Variants in NANOGNB observed in about 807,000 individuals in gnomAD.
NANOGNB encodes NANOG neighbor homeobox.
A neutral mutation model predicts 25.0 loss-of-function variants in NANOGNB; 30 were observed. The observed-to-expected ratio is 1.20, with a 90% CI of 0.90 to 1.63. NANOGNB has a LOEUF of 1.63. NANOGNB is among the 40% of genes most tolerant of loss of function. The pLI is 0.00. For synonymous variants in NANOGNB, 84 were observed against 62.1 expected (o/e 1.35, Z -1.66); for missense variants, 200 against 188.1 (o/e 1.06, Z -0.37).
intron 3 of NANOGNB, among the ~76,000 whole-genome samples, chr12:7,773,545 AC>A (rs1565472374): frequency 8.8e-5 from 11 of 124,578 alleles, no homozygotes; most frequent in South Asian, 2.7e-4. Flanking sequence ...TACTAAAAAT[AC>A]AAAAAAAAAA....
At chr12:7,766,009 G>A (rs1865241610) in intron 1 of NANOGNB, 3 of 396,832 alleles carry the variant, frequency 7.6e-6, no homozygotes. Context: ...AAAGCACAGG[G>A]ACAGAAATCA....
intron 2 of NANOGNB, 47 bp from the exon 3 acceptor site, chr12:7,770,392 A>G: frequency 6.6e-7 from 1 of 1,524,238 alleles, no homozygotes; most frequent in Non-Finnish European, 8.8e-7. Flanking sequence ...ATAGACCAAT[A>G]TCCTTATTCC....
chr12:7,771,224 T>G (rs982792308), intron 3 of NANOGNB, among the ~76,000 whole-genome samples: 7 of 152,146 alleles, frequency 4.6e-5, no homozygotes, highest in African/African-American at 1.7e-4. Flanking sequence ...TTTGTTTGTT[T>G]GTTTGCTTGT....
intron 1 of NANOGNB, among the ~76,000 whole-genome samples, chr12:7,768,021 G>A (rs1837475178): frequency 6.6e-6 from 1 of 151,956 alleles, no homozygotes; most frequent in Non-Finnish European, 1.5e-5. Context: ...CCCCCGCTTA[G>A]CTTGTTTTCA....
chr12:7,768,015 C>T (rs11829053), intron 1 of NANOGNB, among the ~76,000 whole-genome samples: 4,000 of 152,176 alleles, frequency 0.026, 159 homozygotes, highest in African/African-American at 0.089. Context: ...ATCCAGCCCC[C>T]GCTTAGCTTG....
In NANOGNB at chr12:7,768,541, G is replaced by A. The variant is rs771647293; in HGVS notation, c.103-1442G>A. 6.0e-5 allele frequency among the ~76,000 whole-genome samples: 9 copies of A among 151,248 alleles called. No homozygotes were observed. The South Asian group carries it at 1.9e-3, about 32-fold the overall frequency. On this transcript the variant is annotated intron_variant, in intron 1 of 3. Transcript: ENST00000382119. The stretch of plus-strand genomic sequence containing the variant: ...TTTCTTTCTTTTTTTTTTTTGAGAG[G>A]GATTCTCGCTCTGTCATCCAGGCTG...
intron 3 of NANOGNB, among the ~76,000 whole-genome samples, chr12:7,771,611 C>T (rs774201810): frequency 1.3e-5 from 2 of 151,794 alleles, no homozygotes; most frequent in East Asian, 3.9e-4. Flanking sequence ...TATTATCTCA[C>T]TTGATCATTG....
chr12:7,769,945 C>A lies in NANOGNB; in HGVS notation c.103-38C>A. ...ACTATGCTCTGAAAGTCAAATTTAG[C>A]TGCAGCTTGATTTTATTCCACGGAT... On this transcript the variant is annotated intron_variant, in intron 1 of 3. Coordinates refer to ENST00000382119, the MANE Select transcript of NANOGNB (RefSeq NM_001145465.1). The A allele has an allele frequency of 2.8e-6, 4 of 1,416,366 alleles. No individual in the cohort carries two copies. In the South Asian group the frequency reaches 6.0e-5, roughly 21 times the overall value. 87.7% of individuals were successfully genotyped at this position (1,416,366 alleles called of 1,614,324 possible).
rs1386862725 is a variant in NANOGNB at position 7,773,880 on chromosome 12, G to A, written c.*29G>A. On this transcript the variant is annotated 3_prime_UTR_variant, in exon 4 of 4. Coordinates refer to ENST00000382119, the MANE Select transcript of NANOGNB (RefSeq NM_001145465.1). ...TCCTATTTTGGCCTCCAGAAATGCT[G>A]TGATTACAAGCATGAGCCATCGCAC... 2 of 618,992 alleles carry A rather than the reference G, an allele frequency of 3.2e-6. No homozygotes were observed. Among genetic ancestry groups the A allele is most frequent in the Non-Finnish European group, 5.7e-6 (2 of 352,526 alleles). The allele number at this position is 618,992 out of a possible 1,614,324, so 38.3% of individuals were successfully genotyped here.
Position 7,770,123 on chromosome 12 carries a change from C to T in NANOGNB, c.243C>T (p.Asn81=), listed in dbSNP as rs75086416. Reference sequence around the variant, plus strand: ...GAGAACGAGAAAAAGAAGAAAAAAACGAAAAGGAGCTGCAAGATGAACAGG... The same window carrying T: ...GAGAACGAGAAAAAGAAGAAAAAAATGAAAAGGAGCTGCAAGATGAACAGG... ...RKREREKEEK[N]EKELQDEQEN... The change falls in exon 2 of 4, where the codon AAC becomes AAT. Residue 81 remains asparagine (N), a synonymous_variant. Transcript: ENST00000382119. 1,120 of 1,540,726 alleles carry T rather than the reference C, an allele frequency of 7.3e-4. 8 individuals carry two copies. The African/African-American group carries it at 0.011, about 15-fold the overall frequency.
intron 3 of NANOGNB, among the ~76,000 whole-genome samples, chr12:7,772,933 C>A (rs895503828): frequency 8.6e-5 from 13 of 151,916 alleles, no homozygotes; most frequent in Non-Finnish European, 1.8e-4. Flanking sequence ...TATTCTTATG[C>A]GGCCAAGTGG....
intron 1 of NANOGNB, among the ~76,000 whole-genome samples, chr12:7,768,465 A>G: frequency 6.6e-6 from 1 of 151,746 alleles, no homozygotes; most frequent in East Asian, 1.9e-4. Context: ...GGTAGGCTAT[A>G]GACCCCAGTT....
intron 3 of NANOGNB, among the ~76,000 whole-genome samples, chr12:7,771,466 G>T (rs1455915485): frequency 6.6e-6 from 1 of 152,122 alleles, no homozygotes; most frequent in Non-Finnish European, 1.5e-5. Flanking sequence ...TGATCCGCCT[G>T]CCTCGGCCTC....
intron 3 of NANOGNB, 99 bp downstream of exon 3, chr12:7,770,617 CTTT>C (rs199637395): frequency 1.3e-5 from 8 of 593,164 alleles, no homozygotes; most frequent in Non-Finnish European, 2.2e-5. Flanking sequence ...TGCCCATAAA[CTTT>C]TTTTTTTTTG....
intron 1 of NANOGNB, among the ~76,000 whole-genome samples, chr12:7,768,294 A>G (rs1038120158): frequency 1.3e-5 from 2 of 152,136 alleles, no homozygotes; most frequent in Admixed American, 6.6e-5. Flanking sequence ...CTACTTGGTT[A>G]TGGTGCATAA....
At chr12:7,765,593 G>A (rs1299449629) in intron 1 of NANOGNB, among the ~76,000 whole-genome samples, 1 of 31,614 alleles carries the variant, frequency 3.2e-5, no homozygotes, top group African/African-American at 7.3e-5. Context: ...AAAAAAAGAA[G>A]TGGCAGTTGT....
At chr12:7,767,810 G>A (rs1003282182) in intron 1 of NANOGNB, among the ~76,000 whole-genome samples, 7 of 150,662 alleles carry the variant, frequency 4.6e-5, no homozygotes, top group Admixed American at 1.3e-4. Flanking sequence ...CACCCAGGTG[G>A]GAGTGCAGTG....
Position 7,770,324 on chromosome 12 carries a change from A to G in NANOGNB, c.435+9A>G, listed in dbSNP as rs1331947972. 2.0e-6 allele frequency: 3 copies of G among 1,522,882 alleles called. No individual in the cohort carries two copies. The Admixed American group carries it at 6.9e-5, about 35-fold the overall frequency. 94.3% of individuals were successfully genotyped at this position (1,522,882 alleles called of 1,614,324 possible). A position where few individuals can be genotyped will look rare whatever the true frequency, so the allele number is the denominator to read the frequency against. The stretch of plus-strand genomic sequence containing the variant: ...ACATGACACATAAACAGGTATGACA[A>G]CATTAATAGACATTTCTTCATTGAT... On this transcript the variant is annotated intron_variant, in intron 2 of 3. Transcript: ENST00000382119.
rs1340431886 is a variant in NANOGNB, at chr12:7,765,241, C to T, written c.-45C>T. On this transcript the variant is annotated 5_prime_UTR_variant, in exon 1 of 4. Coordinates refer to ENST00000382119, the MANE Select transcript of NANOGNB (RefSeq NM_001145465.1). ...ATCTACCTTATCTGGTCGGTCATCT[C>T]TGTAACCTCCCTACCAAGGACTAAT... 1.6e-6 allele frequency: 2 copies of T among 1,288,242 alleles called. No homozygotes were observed. The highest frequency in any genetic ancestry group is 2.0e-6 in the Non-Finnish European group (2 of 988,008). 79.8% of individuals were successfully genotyped at this position (1,288,242 alleles called of 1,614,324 possible). A position where few individuals can be genotyped will look rare whatever the true frequency, so the allele number is the denominator to read the frequency against.
Sources: allele counts gnomAD v4.1 joint callset (sites outside exome capture counted in the v4.1 genomes callset), GRCh38; gene constraint gnomAD v4.1.1; transcripts MANE v1.5; gene names NCBI Gene and HGNC (gene_info 2026-07-23, HGNC 2026-07-21).